Variants in AHNAK observed in about 807,000 individuals in gnomAD.
The protein encoded by AHNAK is neuroblast differentiation-associated protein AHNAK.
AHNAK carries 23 observed loss-of-function variants against 37.8 expected under a neutral mutation model. That is an observed-to-expected ratio of 0.61 (90% confidence interval 0.44 to 0.86). The LOEUF is 0.86. Ranked by LOEUF, AHNAK falls within the 40% of genes least tolerant of loss-of-function variation. AHNAK has a pLI of 0.00. For synonymous variants in AHNAK, 2,481 were observed against 2,636.3 expected (o/e 0.94, Z 1.80); for missense variants, 7,411 against 7,319.4 (o/e 1.01, Z -0.46).
Position 62,517,908 on chromosome 11 carries a change from A to G in AHNAK, c.16509T>C (p.Asp5503=). Reference sequence around the variant, plus strand: ...TCACATTCACGCCTGGCAGGTTCACATCACATCCAGAGGACTTAATTCCAG... The same window carrying G: ...TCACATTCACGCCTGGCAGGTTCACGTCACATCCAGAGGACTTAATTCCAG... The part of the protein sequence containing the change: ...QMPGIKSSGC[D]VNLPGVNVKL... Residue 5503 remains aspartate (D), a synonymous_variant, in exon 5 of 5, where the codon GAT becomes GAC. Coordinates refer to ENST00000378024, the MANE Select transcript of AHNAK (RefSeq NM_001620.3). 1 of 1,614,164 alleles carries G rather than the reference A, an allele frequency of 6.2e-7. No individual in the cohort carries two copies. The highest frequency in any genetic ancestry group is 8.5e-7 in the Non-Finnish European group (1 of 1,180,022).
Position 62,527,919 on chromosome 11 carries a change from C to T in AHNAK, c.6498G>A (p.Lys2166=), listed in dbSNP as rs753206956. The T allele has an allele frequency of 1.9e-6, 3 of 1,613,128 alleles. No individual in the cohort carries two copies. The highest frequency in any genetic ancestry group is 1.7e-6 in the Non-Finnish European group (2 of 1,179,704). The part of the protein sequence containing the change: ...PDVELECPDA[K]LKGPKFKMPE... ...GCATCTTAAACTTGGGCCCTTTCAA[C>T]TTTGCATCAGGACACTCCAGCTCAA... is the stretch of plus-strand genomic sequence containing the variant. The change falls in exon 5 of 5, where the codon AAG becomes AAA. Residue 2166 remains lysine, a synonymous_variant. Transcript: ENST00000378024.
Position 62,518,679 on chromosome 11 carries a change from C to T in AHNAK, c.15738G>A (p.Val5246=). The change falls in exon 5 of 5, where the codon GTG becomes GTA. Residue 5246 remains valine (V), a synonymous_variant. Transcript: ENST00000378024. ...CCTCGGCTCCCCCACCCTCCATTTTCACACCTGGGATGCCGATCTTGGGCA... is the reference window on the plus strand; with the variant it reads ...CCTCGGCTCCCCCACCCTCCATTTTTACACCTGGGATGCCGATCTTGGGCA... ...FSMPKIGIPG[V]KMEGGGAEVH... 6.2e-7 allele frequency: 1 copy of T among 1,614,190 alleles called. No homozygotes were observed. The highest frequency in any genetic ancestry group is 1.1e-5 in the South Asian group (1 of 91,074).
chr11:62,544,739 A>G (rs1424843689), intron 1 of AHNAK, among the ~76,000 whole-genome samples: 1 of 152,158 alleles, frequency 6.6e-6, no homozygotes, highest in East Asian at 1.9e-4. Flanking sequence ...AGCTTCTGAA[A>G]GGAAGTGAGT....
chr11:62,466,468 G>GTTTTTTTTTT (rs1938914136), intron 5 of AHNAK, among the ~76,000 whole-genome samples: 1 of 94,740 alleles, frequency 1.1e-5, no homozygotes, highest in African/African-American at 4.0e-5. Context: ...GTAAAGTTTT[G>GTTTTTTTTTT]ATTTTTTTTT....
intron 5 of AHNAK, among the ~76,000 whole-genome samples, chr11:62,463,238 A>G (rs1938831243): frequency 6.6e-6 from 1 of 152,122 alleles, no homozygotes; most frequent in Admixed American, 6.6e-5. Context: ...CAGGACAACA[A>G]GCAGTGTCTT....
In AHNAK at chr11:62,530,296, T is replaced by G. The variant is rs748018522; in HGVS notation, c.4121A>C (p.His1374Pro). The G allele has an allele frequency of 1.9e-6, 3 of 1,613,022 alleles. No individual in the cohort carries two copies. Among genetic ancestry groups the G allele is most frequent in the Non-Finnish European group, 2.5e-6 (3 of 1,179,764 alleles). Reference protein sequence around the residue: ...VDISAPDVDVHGPDWHLKMPK... With the variant: ...VDISAPDVDVPGPDWHLKMPK... ...CATCTTCAGGTGCCAATCTGGGCCA[T>G]GAACATCCACATCTGGAGCACTAAT... Residue 1374 changes from histidine to proline, a missense_variant, in exon 5 of 5, where the codon CAT becomes CCT. His to Pro is a moderately conservative substitution (Grantham distance 77). Coordinates refer to ENST00000378024, the MANE Select transcript of AHNAK (RefSeq NM_001620.3).
chr11:62,467,459 C>G lies in AHNAK; in HGVS notation c.442+24273G>C, dbSNP rs577832003. ...CAGCACTTTGGGAGGCCGAGGCAGA[C>G]GGATCACCTGAGGTCAGGAGTTTGA... On this transcript the variant is annotated intron_variant, in intron 5 of 5. Coordinates refer to the AHNAK transcript ENST00000257247. 3.0e-3 allele frequency among the ~76,000 whole-genome samples: 456 copies of G among 152,178 alleles called. 3 individuals carry two copies. The highest frequency in any genetic ancestry group is 0.01 in the Middle Eastern group (3 of 294).
chr11:62,461,459 A>G (rs148050068), intron 5 of AHNAK, among the ~76,000 whole-genome samples: 98 of 152,318 alleles, frequency 6.4e-4, no homozygotes, highest in African/African-American at 2.2e-3. Flanking sequence ...TGCCTTTTTA[A>G]GTAAATTAAG....
chr11:62,529,424 G>A lies in AHNAK; in HGVS notation c.4993C>T (p.Pro1665Ser). Residue 1665 changes from proline (P) to serine (S), a missense_variant, in exon 5 of 5, where the codon CCC (proline) becomes TCC (serine). Coordinates refer to ENST00000378024, the MANE Select transcript of AHNAK (RefSeq NM_001620.3). ...MPDVDLHLKG[P>S]KVKGDMDVSV... is the part of the protein sequence containing the mutation. The stretch of plus-strand genomic sequence containing the variant: ...ACATCCATATCCCCTTTGACTTTGG[G>A]GCCTTTCAAGTGTAAGTCCACATCG... 3 of 1,613,836 alleles carry A rather than the reference G, an allele frequency of 1.9e-6. No homozygotes were observed. The highest frequency in any genetic ancestry group is 2.5e-6 in the Non-Finnish European group (3 of 1,179,984).
intron 5 of AHNAK, among the ~76,000 whole-genome samples, chr11:62,457,978 ATC>A (rs1938700262): frequency 7.0e-6 from 1 of 141,864 alleles, no homozygotes; most frequent in South Asian, 2.2e-4. Context: ...CAGTGGCGCG[ATC>A]TCAGCTCACT....
rs561098454 is a variant in AHNAK at position 62,539,297 on chromosome 11, C to T, written c.-99-2730G>A. On this transcript the variant is annotated intron_variant, in intron 1 of 4. Transcript: ENST00000378024. ...TTCATCTCTCAGACAGAACTGAAGC[C>T]ACTCCTTCAGATCGCCCAGACACCC... is the stretch of plus-strand genomic sequence containing the variant. Among the ~76,000 whole-genome samples, 3 of 152,344 alleles carry T rather than the reference C, an allele frequency of 2.0e-5. No individual in the cohort carries two copies. The East Asian group carries it at 5.8e-4, about 29-fold the overall frequency.
intron 5 of AHNAK, among the ~76,000 whole-genome samples, chr11:62,449,830 C>T (rs1303488028): frequency 2.0e-5 from 3 of 152,296 alleles, no homozygotes; most frequent in East Asian, 1.9e-4. Context: ...AGTTGACTCA[C>T]GATAAAGTAT....
At position 62,526,322 on chromosome 11, in the gene AHNAK, C is replaced by T; in HGVS notation, c.8095G>A (p.Glu2699Lys). The T allele has an allele frequency of 6.2e-7, 1 of 1,613,664 alleles. No homozygotes were observed. ...ATCTTGGGGGCTTTGATATTCATCTCTGGCATCTTGAACTTAGGCCCTTTC... is the reference window on the plus strand; with the variant it reads ...ATCTTGGGGGCTTTGATATTCATCTTTGGCATCTTGAACTTAGGCCCTTTC... Reference protein sequence around the residue: ...KLKGPKFKMPEMNIKAPKISM... With the variant: ...KLKGPKFKMPKMNIKAPKISM... Residue 2699 changes from glutamate to lysine, a missense_variant, in exon 5 of 5, where the codon GAG becomes AAG. Coordinates refer to ENST00000378024, the MANE Select transcript of AHNAK (RefSeq NM_001620.3).
intron 5 of AHNAK, among the ~76,000 whole-genome samples, chr11:62,476,163 G>A (rs985696176): frequency 3.9e-5 from 6 of 152,252 alleles, no homozygotes; most frequent in South Asian, 4.1e-4. Context: ...TGAGGCAGCC[G>A]GATCACCTGA....
At chr11:62,451,712 G>A (rs1471398443) in intron 5 of AHNAK, among the ~76,000 whole-genome samples, 1 of 146,232 alleles carries the variant, frequency 6.8e-6, no homozygotes, top group Non-Finnish European at 1.5e-5. Context: ...ACTCCAGCCT[G>A]GGTGACAGAG....
Position 62,532,020 on chromosome 11 carries a change from C to A in AHNAK, c.2397G>T (p.Gly799=), listed in dbSNP as rs139862534. 1.4e-5 allele frequency: 23 copies of A among 1,612,836 alleles called. No individual in the cohort carries two copies. Among genetic ancestry groups the A allele is most frequent in the Non-Finnish European group, 1.9e-5 (22 of 1,179,772 alleles). The change falls in exon 5 of 5, where the codon GGG becomes GGT. Residue 799 remains glycine (G), a synonymous_variant. Coordinates refer to ENST00000378024, the MANE Select transcript of AHNAK (RefSeq NM_001620.3). ...APDVSIEEPE[G]KLKGPKFKMP... ...TCTTAAACTTGGGCCCTTTCAATTTCCCTTCTGGTTCCTCAATGCTCACAT... is the reference window on the plus strand; with the variant it reads ...TCTTAAACTTGGGCCCTTTCAATTTACCTTCTGGTTCCTCAATGCTCACAT...
chr11:62,492,660 G>C (rs925475770), intron 4 of AHNAK, among the ~76,000 whole-genome samples: 1 of 151,916 alleles, frequency 6.6e-6, no homozygotes. Context: ...CCTGAGCCTA[G>C]GAGTCCCACA....
rs1335094015 is a variant in AHNAK, at chr11:62,521,224, T to G, written c.13193A>C (p.Lys4398Thr). The stretch of plus-strand genomic sequence containing the variant: ...AGAGACATCCACATCACCTTTCACT[T>G]TGGGACCCTTCAAGTTAAAGTCAAT... ...PDIDFNLKGP[K>T]VKGDVDVSLP... Residue 4398 changes from lysine (K) to threonine (T), a missense_variant, in exon 5 of 5, where the codon AAA (lysine) becomes ACA (threonine). Lys to Thr is a moderately conservative substitution (Grantham distance 78, BLOSUM62 -1). Coordinates refer to ENST00000378024, the MANE Select transcript of AHNAK (RefSeq NM_001620.3). 6.2e-7 allele frequency: 1 copy of G among 1,614,030 alleles called. No homozygotes were observed. Among genetic ancestry groups the G allele is most frequent in the Non-Finnish European group, 8.5e-7 (1 of 1,180,020 alleles).
At chr11:62,480,524 G>A (rs759529477) in intron 5 of AHNAK, among the ~76,000 whole-genome samples, 22 of 151,978 alleles carry the variant, frequency 1.4e-4, no homozygotes, top group Non-Finnish European at 2.4e-4. Context: ...AGCCGGGCAC[G>A]GTGGCGGGTG....
Sources: gnomAD v4.1 joint callset for allele counts (sites outside exome capture counted in the v4.1 genomes callset) on GRCh38, gnomAD v4.1.1 for gene constraint, MANE v1.5 for transcripts, NCBI Gene and HGNC (gene_info 2026-07-23, HGNC 2026-07-21) for gene names.